SND1: variants seen among roughly 807,000 people sequenced by gnomAD.
SND1 encodes staphylococcal nuclease domain-containing protein 1.
Under a neutral mutation model 121.7 loss-of-function variants are expected in SND1, and 38 were observed. The ratio of observed to expected loss-of-function variants is 0.31; its 90% confidence interval spans 0.24 to 0.41. The LOEUF (loss-of-function observed/expected upper bound fraction) is 0.41, where lower values mean the gene tolerates loss of function less well. Ranked by LOEUF, SND1 falls within the 10% of genes least tolerant of loss-of-function variation. The probability of loss-of-function intolerance (pLI) is 1.00; values close to 1 mark genes in which losing one functional copy is unlikely to be tolerated. For missense variants in SND1, 868 were observed against 1,184.6 expected (o/e 0.73, Z 3.92); for synonymous variants, 401 against 447.4 (o/e 0.90, Z 1.31).
chr7:128,002,003 CA>C (rs1451371361), intron 16 of SND1, among the ~76,000 whole-genome samples: 3 of 152,216 alleles, frequency 2.0e-5, no homozygotes, highest in Non-Finnish European at 2.9e-5. Context: ...TCAGTATGTA[CA>C]AAACCAGAGT....
intron 13 of SND1, among the ~76,000 whole-genome samples, chr7:127,894,213 A>AT (rs1800072143): frequency 6.6e-6 from 1 of 152,106 alleles, no homozygotes; most frequent in Admixed American, 6.6e-5. Flanking sequence ...TGTTTGTAGC[A>AT]GTGACTTGTA....
At chr7:127,800,255 A>G (rs969795757) in intron 10 of SND1, among the ~76,000 whole-genome samples, 1 of 152,170 alleles carries the variant, frequency 6.6e-6, no homozygotes, top group Admixed American at 6.5e-5. Flanking sequence ...TAATCTGATC[A>G]TGTCTGTAGT....
chr7:127,832,536 A>T (rs1387607469), intron 11 of SND1, among the ~76,000 whole-genome samples: 3 of 152,224 alleles, frequency 2.0e-5, no homozygotes, highest in African/African-American at 7.2e-5. Flanking sequence ...ATAGATCTCT[A>T]AGGCAGACAA....
At position 128,085,861 on chromosome 7, in the gene SND1, T is replaced by C; in HGVS notation, c.2304+81T>C. On this transcript the variant is annotated intron_variant, in intron 20 of 23. Coordinates refer to ENST00000354725, the MANE Select transcript of SND1 (RefSeq NM_014390.4). The surrounding 1 kb of genome is among the most constrained non-coding windows in gnomAD (Gnocchi z 4.4). ...TCAAATCCATCTGATCTCTCCAAGG[T>C]CCCTCTGAGCTTACCAATAGAACAA... 8.3e-7 allele frequency: 1 copy of C among 1,206,452 alleles called. No individual in the cohort carries two copies. Among genetic ancestry groups the C allele is most frequent in the South Asian group, 1.2e-5 (1 of 80,854 alleles). The allele number at this position is 1,206,452 out of a possible 1,614,324, so 74.7% of individuals were successfully genotyped here.
intron 16 of SND1, among the ~76,000 whole-genome samples, chr7:128,063,968 G>A (rs1793272326): frequency 6.6e-6 from 1 of 152,220 alleles, no homozygotes; most frequent in Non-Finnish European, 1.5e-5. Context: ...ATTCTGTGCT[G>A]TACTGAGGAA....
chr7:127,878,367 C>T (rs1203128067), intron 12 of SND1, among the ~76,000 whole-genome samples: 9 of 152,168 alleles, frequency 5.9e-5, no homozygotes. Context: ...TTTATTTGCT[C>T]TAAGTTCCAT....
rs1290299529 is a variant in SND1, at chr7:128,029,090, G to A, written c.1779+38034G>A. 1 of 1,614,132 alleles carries A rather than the reference G, an allele frequency of 6.2e-7. No individual in the cohort carries two copies. The highest frequency in any genetic ancestry group is 1.7e-5 in the Admixed American group (1 of 60,020). On this transcript the variant is annotated intron_variant, in intron 16 of 23. Transcript: ENST00000354725. This position sits in a 1 kb window ranked among gnomAD's most constrained non-coding sequence, Gnocchi z 4.2. ...TGGTCTTCATGACTTCATCCAGGCT[G>A]GTCTGCATCTTGTCAGTGGTGTCTG... is the stretch of plus-strand genomic sequence containing the variant.
At chr7:127,728,273 C>T (rs979011792) in intron 10 of SND1, among the ~76,000 whole-genome samples, 5 of 152,048 alleles carry the variant, frequency 3.3e-5, no homozygotes, top group Non-Finnish European at 7.4e-5. Context: ...GGTGGTTTAT[C>T]CCTGAACTGG....
intron 13 of SND1, among the ~76,000 whole-genome samples, chr7:127,902,964 C>T (rs1800264284): frequency 6.6e-6 from 1 of 152,060 alleles, no homozygotes. Context: ...TCACTGCAAC[C>T]TCCACCTCCC....
At chr7:128,079,828 C>T (rs1179929465) in intron 17 of SND1, among the ~76,000 whole-genome samples, 1 of 152,212 alleles carries the variant, frequency 6.6e-6, no homozygotes, top group East Asian at 1.9e-4. Context: ...TCAAAAACAA[C>T]AGGGACATAA....
At chr7:127,888,305 A>G (rs939822283) in intron 13 of SND1, among the ~76,000 whole-genome samples, 2 of 151,982 alleles carry the variant, frequency 1.3e-5, no homozygotes, top group South Asian at 2.1e-4. Context: ...TCTATAGGAG[A>G]TATGTTTATC....
intron 16 of SND1, among the ~76,000 whole-genome samples, chr7:128,066,939 T>C (rs1344746706): frequency 2.0e-5 from 3 of 152,158 alleles, no homozygotes; most frequent in Non-Finnish European, 4.4e-5. Context: ...CAGGAGTACC[T>C]TGGGCTCCGA....
intron 1 of SND1, among the ~76,000 whole-genome samples, chr7:127,656,078 C>G (rs1297806147): frequency 2.0e-5 from 3 of 152,088 alleles, no homozygotes; most frequent in Non-Finnish European, 4.4e-5. Context: ...TTGTTTTATT[C>G]TAAGAACCAT....
chr7:128,090,454 C>T (rs1198662143), intron 22 of SND1, among the ~76,000 whole-genome samples: 1 of 152,192 alleles, frequency 6.6e-6, no homozygotes, highest in African/African-American at 2.4e-5. Flanking sequence ...AGCCCTGCGT[C>T]CCAGCTGGGC....
intron 10 of SND1, among the ~76,000 whole-genome samples, chr7:127,723,458 C>T (rs544759764): frequency 7.2e-5 from 11 of 152,198 alleles, no homozygotes; most frequent in African/African-American, 1.7e-4. Context: ...CTAAGTAAGA[C>T]TTAGCTGCAA....
At chr7:127,934,428 C>T (rs558847007) in intron 15 of SND1, among the ~76,000 whole-genome samples, 258 of 152,092 alleles carry the variant, frequency 1.7e-3, no homozygotes, top group African/African-American at 5.9e-3. Flanking sequence ...TGCTCAGACT[C>T]GGGTTAAGTA....
intron 11 of SND1, among the ~76,000 whole-genome samples, chr7:127,820,685 A>G (rs1004299366): frequency 2.6e-5 from 4 of 151,316 alleles, no homozygotes; most frequent in Non-Finnish European, 5.9e-5. Flanking sequence ...GTCCCTCTCT[A>G]TCTTTCCTTT....
At chr7:128,000,528 C>T (rs1802801039) in intron 16 of SND1, among the ~76,000 whole-genome samples, 1 of 152,042 alleles carries the variant, frequency 6.6e-6, no homozygotes, top group South Asian at 2.1e-4. Flanking sequence ...TCCCCATGCC[C>T]AGCTAATGTT....
intron 13 of SND1, among the ~76,000 whole-genome samples, chr7:127,903,567 C>A (rs564585884): frequency 6.6e-6 from 1 of 152,184 alleles, no homozygotes; most frequent in South Asian, 2.1e-4. Flanking sequence ...GGGACACATC[C>A]CCTGGGATGA....
Sources: gnomAD v4.1 joint callset for allele counts (sites outside exome capture counted in the v4.1 genomes callset) on GRCh38, gnomAD v4.1.1 for gene constraint, Gnocchi (gnomAD v3.1) non-coding constraint, MANE v1.5 for transcripts, NCBI Gene and HGNC (gene_info 2026-07-23, HGNC 2026-07-21) for gene names.